Variants in CCDC60 observed in about 807,000 individuals in gnomAD.
CCDC60 encodes coiled-coil domain containing 60, also known as coiled-coil domain-containing protein 60.
Under a neutral mutation model 63.5 loss-of-function variants are expected in CCDC60, and 54 were observed. That is an observed-to-expected ratio of 0.85 (90% CI 0.68 to 1.07). The LOEUF (loss-of-function observed/expected upper bound fraction) is 1.07. Among genes scored for constraint, CCDC60 ranks in the 50% least tolerant of loss-of-function variants. The pLI is 0.00. For synonymous variants in CCDC60, 206 were observed against 238.8 expected (o/e 0.86, Z 1.27); for missense variants, 651 against 684.3 (o/e 0.95, Z 0.54).
In CCDC60 at chr12:119,365,396, G is replaced by A. The variant is rs151235138; in HGVS notation, c.90+30130G>A. Among the ~76,000 whole-genome samples the A allele has an allele frequency of 7.0e-3, 1,073 of 152,306 alleles. 10 individuals carry two copies. The highest frequency in any genetic ancestry group is 0.025 in the African/African-American group (1,024 of 41,556). On this transcript the variant is annotated intron_variant, in intron 1 of 13. Transcript: ENST00000327554. ...TTTAGCATATTGTCTGTGTTTCCTC[G>A]TTTGTATTTAGTTCATTGTTTAAAT...
chr12:119,514,060 C>T (rs1952285702), intron 7 of CCDC60, among the ~76,000 whole-genome samples: 1 of 152,144 alleles, frequency 6.6e-6, no homozygotes, highest in South Asian at 2.1e-4. Context: ...TTGTTACTGC[C>T]TCTGAAGACC....
chr12:119,497,508 T>C (rs918805910), intron 5 of CCDC60, among the ~76,000 whole-genome samples: 2 of 152,240 alleles, frequency 1.3e-5, no homozygotes, highest in African/African-American at 4.8e-5. Flanking sequence ...TTTAGCCTGC[T>C]GCTTGAAGTC....
At chr12:119,341,578 A>G (rs957885571) in intron 1 of CCDC60, among the ~76,000 whole-genome samples, 5 of 152,230 alleles carry the variant, frequency 3.3e-5, no homozygotes, top group African/African-American at 1.2e-4. Context: ...AATACTGAGC[A>G]CGATACCCAG....
chr12:119,433,916 G>T (rs1414200492), intron 2 of CCDC60, among the ~76,000 whole-genome samples: 2 of 152,180 alleles, frequency 1.3e-5, no homozygotes, highest in Non-Finnish European at 2.9e-5. Context: ...AGCGGAAGTT[G>T]ACAATCAGGG....
chr12:119,537,231 A>G (rs1018986428), intron 13 of CCDC60, among the ~76,000 whole-genome samples: 7 of 152,172 alleles, frequency 4.6e-5, no homozygotes, highest in Non-Finnish European at 8.8e-5. Flanking sequence ...TTCTTCACGT[A>G]GTTCTTGTGC....
At chr12:119,509,214 T>A (rs1190637451) in intron 7 of CCDC60, among the ~76,000 whole-genome samples, 1 of 152,188 alleles carries the variant, frequency 6.6e-6, no homozygotes, top group African/African-American at 2.4e-5. Flanking sequence ...ACACTTATGT[T>A]TTGTTTAGCA....
intron 3 of CCDC60, among the ~76,000 whole-genome samples, chr12:119,476,395 C>T (rs1392047249): frequency 1.3e-5 from 2 of 152,196 alleles, no homozygotes; most frequent in East Asian, 1.9e-4. Context: ...GAAAAGGTCA[C>T]AGCAAGGTAT....
chr12:119,343,477 C>T (rs1462867980), intron 1 of CCDC60, among the ~76,000 whole-genome samples: 4 of 152,036 alleles, frequency 2.6e-5, no homozygotes, highest in African/African-American at 4.8e-5. Context: ...CAGCCTGGTA[C>T]ATGATCAGGG....
intron 6 of CCDC60, 32 bp downstream of exon 6, chr12:119,500,200 C>T (rs1349042568): frequency 1.4e-6 from 2 of 1,422,582 alleles, no homozygotes; most frequent in East Asian, 2.4e-5. Context: ...AACCCTTTGG[C>T]TCCTAGGTCC....
At chr12:119,395,739 T>G (rs947509251) in intron 1 of CCDC60, among the ~76,000 whole-genome samples, 1 of 152,198 alleles carries the variant, frequency 6.6e-6, no homozygotes, top group Non-Finnish European at 1.5e-5. Context: ...AGCAGACATT[T>G]ATTCTCTCCC....
chr12:119,494,140 A>C (rs1951663532), intron 5 of CCDC60, among the ~76,000 whole-genome samples: 1 of 152,164 alleles, frequency 6.6e-6, no homozygotes, highest in African/African-American at 2.4e-5. Context: ...CTTATTAGAG[A>C]CCAAATTTCC....
Position 119,339,944 on chromosome 12 carries a change from G to A in CCDC60, c.90+4678G>A, listed in dbSNP as rs562443767. Among the ~76,000 whole-genome samples, 5 of 152,258 alleles carry A rather than the reference G, an allele frequency of 3.3e-5. No homozygotes were observed. The South Asian group carries it at 6.2e-4, about 19-fold the overall frequency. On this transcript the variant is annotated intron_variant, in intron 1 of 13. Coordinates refer to ENST00000327554, the MANE Select transcript of CCDC60 (RefSeq NM_178499.5). Reference sequence around the variant, plus strand: ...ATTCTTCGGCAAACTCTGTGGGTTCGAACCCCAACACTGCCACTTACTAGG... The same window carrying A: ...ATTCTTCGGCAAACTCTGTGGGTTCAAACCCCAACACTGCCACTTACTAGG...
intron 1 of CCDC60, among the ~76,000 whole-genome samples, chr12:119,428,223 C>T (rs977477904): frequency 6.6e-6 from 1 of 152,204 alleles, no homozygotes; most frequent in African/African-American, 2.4e-5. Flanking sequence ...TCCAAATCAA[C>T]TGCTAAAACC....
intron 1 of CCDC60, among the ~76,000 whole-genome samples, chr12:119,406,289 G>A (rs1440438023): frequency 6.6e-6 from 1 of 151,992 alleles, no homozygotes; most frequent in East Asian, 1.9e-4. Flanking sequence ...GAAGAGATGA[G>A]GGTCTCATCA....
At chr12:119,536,414 G>A (rs747094631) in intron 13 of CCDC60, among the ~76,000 whole-genome samples, 32 of 152,022 alleles carry the variant, frequency 2.1e-4, no homozygotes, top group Admixed American at 1.6e-3. Context: ...GCCCATTTAC[G>A]TTTAAGGTTA....
At chr12:119,482,177 C>CACAT (rs1016167575) in intron 4 of CCDC60, among the ~76,000 whole-genome samples, 4 of 149,596 alleles carry the variant, frequency 2.7e-5, no homozygotes, top group South Asian at 2.1e-4. Flanking sequence ...CACACACACA[C>CACAT]ATATATATAT....
intron 7 of CCDC60, 82 bp from the exon 8 acceptor site, chr12:119,516,541 T>G (rs1952358686): frequency 1.1e-6 from 1 of 901,778 alleles, no homozygotes; most frequent in Non-Finnish European, 1.8e-6. Context: ...GTGACCCCAG[T>G]TTGGGGGGCT....
intron 1 of CCDC60, among the ~76,000 whole-genome samples, chr12:119,405,691 C>G (rs558629473): frequency 6.6e-6 from 1 of 152,172 alleles, no homozygotes; most frequent in Non-Finnish European, 1.5e-5. Context: ...CTCCAATGAC[C>G]CGTGCCTCTA....
chr12:119,453,354 A>G (rs1279570868), intron 2 of CCDC60, among the ~76,000 whole-genome samples: 1 of 152,156 alleles, frequency 6.6e-6, no homozygotes, highest in Non-Finnish European at 1.5e-5. Context: ...TCTGAGATAG[A>G]GATTAAATCA....
Sources: gnomAD v4.1 joint callset for allele counts (sites outside exome capture counted in the v4.1 genomes callset) on GRCh38, gnomAD v4.1.1 for gene constraint, MANE v1.5 for transcripts, NCBI Gene and HGNC (gene_info 2026-07-23, HGNC 2026-07-21) for gene names.